Variants in RASA1 observed in about 807,000 individuals in gnomAD.
RASA1 encodes RAS p21 protein activator 1.
In RASA1, 25 loss-of-function variants were observed where a neutral mutation model predicts 132.2. The ratio of observed to expected loss-of-function variants is 0.19; its 90% CI spans 0.14 to 0.26. The LOEUF (loss-of-function observed/expected upper bound fraction) is 0.26, where lower values mean the gene tolerates loss of function less well. Among genes scored for constraint, RASA1 ranks in the 10% least tolerant of loss-of-function variants. The pLI is 1.00. For synonymous variants in RASA1, 477 were observed against 449.9 expected, an observed-to-expected ratio of 1.06 and a Z score of -0.76; for missense variants, 964 against 1,299.2, an observed-to-expected ratio of 0.74 and a Z score of 3.97.
chr5:87,368,760 C>T (rs1305132766), intron 11 of RASA1, among the ~76,000 whole-genome samples: 3 of 152,148 alleles, frequency 2.0e-5, no homozygotes, highest in African/African-American at 7.2e-5. Context: ...GCTACACAGC[C>T]AGCTTAGGAA....
At position 87,345,444 on chromosome 5, in the gene RASA1, C is replaced by T. The variant is rs982538366; in HGVS notation, c.1050-1228C>T. On this transcript the variant is annotated intron_variant, in intron 6 of 24. Coordinates refer to ENST00000274376, the MANE Select transcript of RASA1 (RefSeq NM_002890.3). Reference sequence around the variant, plus strand: ...TGACTGTCCTCCAGAATATAAAAATCCTGCTCTAGCATTTGTAGTAAGTGG... The same window carrying T: ...TGACTGTCCTCCAGAATATAAAAATTCTGCTCTAGCATTTGTAGTAAGTGG... Among the ~76,000 whole-genome samples, 62 of 152,128 alleles carry T rather than the reference C, an allele frequency of 4.1e-4. 1 individual carries two copies. The highest frequency in any genetic ancestry group is 1.4e-3 in the African/African-American group (59 of 41,504).
chr5:87,328,727 C>G (rs1327264918), intron 1 of RASA1, among the ~76,000 whole-genome samples: 1 of 152,020 alleles, frequency 6.6e-6, no homozygotes, highest in African/African-American at 2.4e-5. Flanking sequence ...CTGAATCTCT[C>G]AGTAGGGTAA....
chr5:87,293,467 T>C (rs905769993), intron 1 of RASA1, among the ~76,000 whole-genome samples: 1 of 152,148 alleles, frequency 6.6e-6, no homozygotes, highest in Non-Finnish European at 1.5e-5. Flanking sequence ...TGTAAGTACA[T>C]TGTTGGATTT....
chr5:87,369,870 C>T lies in RASA1; in HGVS notation c.1668C>T (p.Tyr556=). 1 of 1,611,826 alleles carries T rather than the reference C, an allele frequency of 6.2e-7. No homozygotes were observed. Among genetic ancestry groups the T allele is most frequent in the East Asian group, 2.2e-5 (1 of 44,644 alleles). The part of the protein sequence containing the change: ...QHFSEEHYIF[Y]FAGETPEQAE... ...TTAGTGAAGAACATTACATCTTTTA[C>T]TTTGCAGGAGAAACTCCAGAACAAG... Residue 556 remains tyrosine (Y), a synonymous_variant, in exon 12 of 25, where the codon TAC becomes TAT. Coordinates refer to ENST00000274376, the MANE Select transcript of RASA1 (RefSeq NM_002890.3).
intron 11 of RASA1, among the ~76,000 whole-genome samples, 165 bp from the exon 12 acceptor site, chr5:87,369,648 T>C (rs1363695658): frequency 6.6e-6 from 1 of 152,100 alleles, no homozygotes; most frequent in Non-Finnish European, 1.5e-5. Flanking sequence ...TTCTAAAATA[T>C]ATATAGCTGA....
chr5:87,346,003 A>C lies in RASA1; in HGVS notation c.1050-669A>C, dbSNP rs16902629. ...ATCCTTTTATTTGAAGGTAAAATTT[A>C]AATACTTAGGTTATTGTATGCTCTA... On this transcript the variant is annotated intron_variant, in intron 6 of 24. Transcript: ENST00000274376. 4.2e-4 allele frequency among the ~76,000 whole-genome samples: 64 copies of C among 152,278 alleles called. 1 individual carries two copies. In the East Asian group the frequency reaches 9.6e-3, roughly 23 times the overall value.
chr5:87,305,414 G>A (rs920274472), intron 1 of RASA1, among the ~76,000 whole-genome samples: 3 of 152,104 alleles, frequency 2.0e-5, no homozygotes, highest in African/African-American at 7.2e-5. Flanking sequence ...CTATTAAATG[G>A]TGCTGGGATA....
At chr5:87,283,298 T>A (rs1051015304) in intron 1 of RASA1, among the ~76,000 whole-genome samples, 5 of 152,078 alleles carry the variant, frequency 3.3e-5, no homozygotes, top group Non-Finnish European at 7.4e-5. Flanking sequence ...GATAGCTGAT[T>A]GAAAATTAAA....
At chr5:87,279,393 AACCGT>A (rs886599667) in intron 1 of RASA1, among the ~76,000 whole-genome samples, 2 of 150,692 alleles carry the variant, frequency 1.3e-5, no homozygotes, top group African/African-American at 4.9e-5. Flanking sequence ...CAGTTTGTTT[AACCGT>A]TCAGCCATTG....
At chr5:87,322,650 T>C (rs919678662) in intron 1 of RASA1, among the ~76,000 whole-genome samples, 1 of 152,204 alleles carries the variant, frequency 6.6e-6, no homozygotes, top group African/African-American at 2.4e-5. Context: ...AGCACCATGC[T>C]TCCTCTATAG....
At chr5:87,358,469 T>C (rs1236571805) in intron 9 of RASA1, among the ~76,000 whole-genome samples, 1 of 152,140 alleles carries the variant, frequency 6.6e-6, no homozygotes, top group East Asian at 1.9e-4. Flanking sequence ...TCCTGTACTT[T>C]ATATCTAACC....
In RASA1 at chr5:87,331,439, C is replaced by G. The variant is rs757065933; in HGVS notation, c.631C>G (p.Arg211Gly). 1 of 1,613,814 alleles carries G rather than the reference C, an allele frequency of 6.2e-7. No individual in the cohort carries two copies. Among genetic ancestry groups the G allele is most frequent in the Non-Finnish European group, 8.5e-7 (1 of 1,179,812 alleles). Reference protein sequence around the residue: ...SGSYLIRESDRRPGSFVLSFL... With the variant: ...SGSYLIRESDGRPGSFVLSFL... ...CAGTTATCTTATAAGAGAGAGTGAT[C>G]GGAGGCCAGGGTCCTTTGTACTTTC... Residue 211 changes from arginine to glycine, a missense_variant, in exon 2 of 25, where the codon CGG (arginine) becomes GGG (glycine). Coordinates refer to ENST00000274376, the MANE Select transcript of RASA1 (RefSeq NM_002890.3).
intron 15 of RASA1, chr5:87,376,130 C>A (rs1160693967): frequency 4.0e-6 from 2 of 496,598 alleles, no homozygotes; most frequent in Non-Finnish European, 7.3e-6. Context: ...TAATTGATTT[C>A]TTGCCTTCTT....
chr5:87,342,719 T>C (rs1025952149), intron 6 of RASA1, among the ~76,000 whole-genome samples: 3 of 152,202 alleles, frequency 2.0e-5, no homozygotes, highest in Admixed American at 2.0e-4. Flanking sequence ...AACTAGAAAG[T>C]GTTTGCCTAT....
At chr5:87,369,729 TTATTG>T in intron 11 of RASA1, 79 bp from the exon 12 acceptor site, 2 of 845,022 alleles carry the variant, frequency 2.4e-6, no homozygotes, top group Non-Finnish European at 3.9e-6. Flanking sequence ...TGTTAATTAT[TTATTG>T]TGAGTGTTTT....
chr5:87,272,174 G>GTA (rs1354584490), intron 1 of RASA1, among the ~76,000 whole-genome samples: 1 of 151,644 alleles, frequency 6.6e-6, no homozygotes, highest in East Asian at 1.9e-4. Context: ...CCATGATTGA[G>GTA]TACTTATGAA....
Position 87,268,686 on chromosome 5 carries a change from G to A in RASA1, c.235G>A (p.Gly79Arg). Residue 79 changes from glycine (G) to arginine (R), a missense_variant, in exon 1 of 25, where the codon GGG becomes AGG. Around this residue, in one of 6 missense-constraint regions of RASA1, gnomAD observed 326 missense variants for 275.8 expected, o/e 1.18. Transcript: ENST00000274376. ...GTTCCTAGGAGCCGGGTCTGTGGCA[G>A]GGGCACTGGGGGGAGCTGGACTGAC... is the stretch of plus-strand genomic sequence containing the variant. The part of the protein sequence containing the change: ...SEFLGAGSVA[G>R]ALGGAGLTGG... The A allele has an allele frequency of 6.2e-7, 1 of 1,611,362 alleles. No homozygotes were observed. The highest frequency in any genetic ancestry group is 1.7e-5 in the Admixed American group (1 of 59,518).
Position 87,361,778 on chromosome 5 carries a change from A to C in RASA1, c.1333-773A>C, listed in dbSNP as rs3804234. Among the ~76,000 whole-genome samples the C allele has an allele frequency of 3.0e-4, 46 of 152,308 alleles. No homozygotes were observed. In the East Asian group the frequency reaches 8.9e-3, roughly 29 times the overall value. On this transcript the variant is annotated intron_variant, in intron 9 of 24. Coordinates refer to ENST00000274376, the MANE Select transcript of RASA1 (RefSeq NM_002890.3). The stretch of plus-strand genomic sequence containing the variant: ...GAAAAGTGAGGTTAGGGGTGTTAAC[A>C]CTTAGAAATTTCATCAGGGATACAT...
intron 11 of RASA1, among the ~76,000 whole-genome samples, chr5:87,365,465 T>C (rs1050636046): frequency 2.6e-5 from 4 of 152,180 alleles, no homozygotes; most frequent in Non-Finnish European, 5.9e-5. Context: ...CTACCTTTTA[T>C]GTTCAAGCAG....
Sources: gnomAD v4.1 joint callset for allele counts (sites outside exome capture counted in the v4.1 genomes callset) on GRCh38, gnomAD v4.1.1 for gene constraint, gnomAD v4.1.1 regional missense constraint, MANE v1.5 for transcripts, NCBI Gene and HGNC (gene_info 2026-07-23, HGNC 2026-07-21) for gene names.